SAMD4A: variants seen among roughly 807,000 people sequenced by gnomAD.
SAMD4A encodes the protein sterile alpha motif domain containing 4A, also known as protein Smaug homolog 1.
A neutral mutation model predicts 81.3 loss-of-function variants in SAMD4A; 33 were observed. That is an observed-to-expected ratio of 0.41 (90% CI 0.31 to 0.54). The LOEUF is 0.54. SAMD4A is among the 20% of genes least tolerant of loss of function. The pLI is 0.37. For synonymous variants in SAMD4A, 389 were observed against 382.1 expected, an observed-to-expected ratio of 1.02 and a Z score of -0.21; for missense variants, 854 against 951.1, an observed-to-expected ratio of 0.90 and a Z score of 1.34.
intron 2 of SAMD4A, among the ~76,000 whole-genome samples, chr14:54,612,837 G>A (rs576913877): frequency 1.3e-5 from 2 of 152,208 alleles, no homozygotes; most frequent in South Asian, 2.1e-4. Context: ...AGTGAAAGCC[G>A]GCCGGGCATG....
chr14:54,647,670 T>G (rs2035315299), intron 2 of SAMD4A, among the ~76,000 whole-genome samples: 1 of 152,246 alleles, frequency 6.6e-6, no homozygotes, highest in South Asian at 2.1e-4. Context: ...GACGGGTGTG[T>G]AATATACCTT....
At chr14:54,735,177 A>G (rs568644824) in intron 3 of SAMD4A, 11 of 145,002 alleles carry the variant, frequency 7.6e-5, no homozygotes, top group African/African-American at 2.6e-4. Context: ...TTTTCTTCCT[A>G]TTGGCTTCTC....
chr14:54,705,526 A>G (rs2036830224), intron 3 of SAMD4A, among the ~76,000 whole-genome samples: 1 of 152,182 alleles, frequency 6.6e-6, no homozygotes, highest in Admixed American at 6.5e-5. Context: ...AGCCACGTTA[A>G]TGATGTTGAA....
rs535615417 is a variant in SAMD4A at position 54,593,817 on chromosome 14, G to A, written c.196+25705G>A. Among the ~76,000 whole-genome samples the A allele has an allele frequency of 5.9e-5, 9 of 152,294 alleles. No individual in the cohort carries two copies. In the South Asian group the frequency reaches 1.0e-3, roughly 18 times the overall value. ...TTAAGGAGGTGCATTCTCAGGCAGT[G>A]GGGAGAGATGGTCTTCTTAGGTCTG... is the stretch of plus-strand genomic sequence containing the variant. On this transcript the variant is annotated intron_variant, in intron 2 of 12. Coordinates refer to ENST00000554335, the MANE Select transcript of SAMD4A (RefSeq NM_015589.6).
intron 2 of SAMD4A, among the ~76,000 whole-genome samples, chr14:54,661,936 T>C: frequency 6.7e-6 from 1 of 148,790 alleles, no homozygotes; most frequent in East Asian, 1.9e-4. Flanking sequence ...TTATCCACTA[T>C]CTGGAAAAAA....
intron 2 of SAMD4A, 115 bp downstream of exon 2, chr14:54,568,227 G>A: frequency 9.9e-7 from 1 of 1,012,672 alleles, no homozygotes; most frequent in Non-Finnish European, 1.3e-6. Context: ...CCGGGACCTG[G>A]ACGGCGTGGC....
intron 2 of SAMD4A, chr14:54,695,009 AC>A (rs1442219761): frequency 1.4e-6 from 1 of 715,122 alleles, no homozygotes; most frequent in Non-Finnish European, 1.7e-6. Flanking sequence ...CCTTTGAATG[AC>A]CAGCACCTGA....
chr14:54,720,672 G>A (rs141961484), intron 3 of SAMD4A, among the ~76,000 whole-genome samples: 1 of 152,268 alleles, frequency 6.6e-6, no homozygotes, highest in Non-Finnish European at 1.5e-5. Context: ...AGAATCTGAG[G>A]ATCTCTCTGT....
At chr14:54,642,105 A>G (rs1013349118) in intron 2 of SAMD4A, among the ~76,000 whole-genome samples, 8 of 152,168 alleles carry the variant, frequency 5.3e-5, no homozygotes, top group African/African-American at 1.9e-4. Flanking sequence ...GCCAGAAGTC[A>G]GTAAGTTTTA....
chr14:54,594,085 T>TA (rs998218818), intron 2 of SAMD4A, among the ~76,000 whole-genome samples: 93 of 151,280 alleles, frequency 6.1e-4, no homozygotes, highest in Middle Eastern at 3.4e-3. Context: ...TGATTGCTAT[T>TA]AAAAAAAAAG....
intron 2 of SAMD4A, among the ~76,000 whole-genome samples, chr14:54,663,793 TTC>T (rs1348806850): frequency 6.6e-6 from 1 of 152,174 alleles, no homozygotes; most frequent in Non-Finnish European, 1.5e-5. Flanking sequence ...AGTTAACATG[TTC>T]TCTCTCTTCC....
chr14:54,600,145 T>C lies in SAMD4A; in HGVS notation c.196+32033T>C, dbSNP rs1285470946. 2.7e-5 allele frequency among the ~76,000 whole-genome samples: 4 copies of C among 146,230 alleles called. No individual in the cohort carries two copies. In the East Asian group the frequency reaches 7.7e-4, roughly 28 times the overall value. ...GCTGTGTCCTGGCCTTTCTTTCTTCTTTTTAAATTATAGCTAAATGTCCTT... is the reference window on the plus strand; with the variant it reads ...GCTGTGTCCTGGCCTTTCTTTCTTCCTTTTAAATTATAGCTAAATGTCCTT... On this transcript the variant is annotated intron_variant, in intron 2 of 12. Transcript: ENST00000554335.
intron 11 of SAMD4A, among the ~76,000 whole-genome samples, chr14:54,777,656 G>C (rs1013416900): frequency 1.3e-5 from 2 of 152,070 alleles, no homozygotes; most frequent in African/African-American, 4.8e-5. Context: ...TCAGGCAGGA[G>C]GGTGCAGGAT....
At chr14:54,770,366 T>TAAAC in intron 9 of SAMD4A, 144 bp downstream of exon 9, 2 of 648,186 alleles carry the variant, frequency 3.1e-6, no homozygotes, top group Non-Finnish European at 5.5e-6. Flanking sequence ...TTGCATTGCT[T>TAAAC]AAACAGGTGG....
chr14:54,698,666 G>A (rs1292898029), intron 2 of SAMD4A, among the ~76,000 whole-genome samples: 2 of 152,242 alleles, frequency 1.3e-5, no homozygotes, highest in African/African-American at 4.8e-5. Flanking sequence ...TCCAGTAGGT[G>A]TAGTTAGCCC....
intron 2 of SAMD4A, among the ~76,000 whole-genome samples, chr14:54,613,141 G>A (rs200200613): frequency 7.3e-6 from 1 of 137,908 alleles, no homozygotes; most frequent in Admixed American, 7.6e-5. Context: ...AGAGAGAAAG[G>A]AAGGAAGGAA....
intron 2 of SAMD4A, among the ~76,000 whole-genome samples, chr14:54,588,484 C>T (rs1395436065): frequency 6.6e-6 from 1 of 151,698 alleles, no homozygotes; most frequent in Non-Finnish European, 1.5e-5. Context: ...TTAGATTGTC[C>T]ATTTGTGCTC....
At chr14:54,589,436 A>G (rs151061196) in intron 2 of SAMD4A, among the ~76,000 whole-genome samples, 254 of 152,310 alleles carry the variant, frequency 1.7e-3, no homozygotes, top group Non-Finnish European at 2.2e-3. Context: ...TTTTTGGACC[A>G]TTCTGCCTCA....
At chr14:54,579,715 A>C (rs947870796) in intron 2 of SAMD4A, among the ~76,000 whole-genome samples, 7 of 152,248 alleles carry the variant, frequency 4.6e-5, no homozygotes, top group African/African-American at 1.7e-4. Flanking sequence ...TTTAAGGAAG[A>C]CTCATGGAAT....
Sources: gnomAD v4.1 joint callset for allele counts (sites outside exome capture counted in the v4.1 genomes callset) on GRCh38, gnomAD v4.1.1 for gene constraint, MANE v1.5 for transcripts, NCBI Gene and HGNC (gene_info 2026-07-23, HGNC 2026-07-21) for gene names.